RNF43: variants seen among roughly 807,000 people sequenced by gnomAD.
The protein encoded by RNF43 is ring finger protein 43, also known as E3 ubiquitin-protein ligase RNF43.
A neutral mutation model predicts 78.4 loss-of-function variants in RNF43; 37 were observed. The ratio of observed to expected loss-of-function variants is 0.47; its 90% CI spans 0.36 to 0.62. The LOEUF (loss-of-function observed/expected upper bound fraction) is 0.62, where lower values mean the gene tolerates loss of function less well. Among genes scored for constraint, RNF43 ranks in the 20% least tolerant of loss-of-function variants. RNF43 has a pLI of 0.00. For synonymous variants in RNF43, 347 were observed against 395.0 expected (o/e 0.88, Z 1.44); for missense variants, 774 against 1,007.9 (o/e 0.77, Z 3.14).
At chr17:58,405,754 GAAAGAA>G (rs1489316087) in intron 2 of RNF43, among the ~76,000 whole-genome samples, 1 of 148,836 alleles carries the variant, frequency 6.7e-6, no homozygotes, top group African/African-American at 2.5e-5. Context: ...AAGAAAGAAA[GAAAGAA>G]AGAAAAAGAG....
intron 2 of RNF43, among the ~76,000 whole-genome samples, chr17:58,387,181 A>C (rs560914921): frequency 6.6e-6 from 1 of 152,346 alleles, no homozygotes; most frequent in African/African-American, 2.4e-5. Context: ...CAATGTTAAC[A>C]GAGAAGCTGA....
At chr17:58,403,798 T>A (rs944853980) in intron 2 of RNF43, among the ~76,000 whole-genome samples, 7 of 152,196 alleles carry the variant, frequency 4.6e-5, no homozygotes, top group African/African-American at 1.7e-4. Flanking sequence ...GAAATCTTAT[T>A]TTTAGTATAA....
chr17:58,361,414 T>G (rs1157689647), intron 6 of RNF43, among the ~76,000 whole-genome samples: 1 of 152,216 alleles, frequency 6.6e-6, no homozygotes, highest in Admixed American at 6.5e-5. Flanking sequence ...ATCTGTTGGC[T>G]TTGCCTTCAA....
At chr17:58,411,563 T>A (rs1974024641) in intron 2 of RNF43, among the ~76,000 whole-genome samples, 1 of 152,066 alleles carries the variant, frequency 6.6e-6, no homozygotes, top group African/African-American at 2.4e-5. Flanking sequence ...CTGCTCCCAT[T>A]GTAGGTCTGA....
intron 2 of RNF43, among the ~76,000 whole-genome samples, chr17:58,412,822 G>T (rs1021833587): frequency 5.5e-5 from 8 of 144,656 alleles, no homozygotes; most frequent in Middle Eastern, 3.6e-3. Flanking sequence ...TAACAACATG[G>T]TTTTTTTTTT....
At chr17:58,389,556 A>G (rs1309067390) in intron 2 of RNF43, among the ~76,000 whole-genome samples, 5 of 152,240 alleles carry the variant, frequency 3.3e-5, no homozygotes, top group Admixed American at 3.3e-4. Context: ...TACTACATGT[A>G]GAATGAAAAC....
At chr17:58,385,842 C>T (rs796356049) in intron 2 of RNF43, among the ~76,000 whole-genome samples, 1 of 152,196 alleles carries the variant, frequency 6.6e-6, no homozygotes, top group African/African-American at 2.4e-5. Flanking sequence ...CATGGTGGCT[C>T]ATGCTTGTAA....
intron 2 of RNF43, among the ~76,000 whole-genome samples, chr17:58,385,278 A>G (rs1973408014): frequency 6.6e-6 from 1 of 151,466 alleles, no homozygotes; most frequent in Admixed American, 6.8e-5. Flanking sequence ...CAAATCTTCT[A>G]TACTTCAAAA....
At chr17:58,359,372 G>A (rs759559661) in intron 8 of RNF43, among the ~76,000 whole-genome samples, 2 of 149,154 alleles carry the variant, frequency 1.3e-5, no homozygotes, top group Non-Finnish European at 3.0e-5. Flanking sequence ...CAAGGCGGGC[G>A]GGTCACAAGG....
intron 2 of RNF43, 140 bp downstream of exon 2, chr17:58,415,186 C>T (rs146242556): frequency 2.6e-5 from 21 of 796,778 alleles, no homozygotes; most frequent in African/African-American, 1.2e-4. Context: ...TTTAGAATGC[C>T]AATAAGGCAG....
chr17:58,370,600 C>T (rs1973071678), intron 3 of RNF43, among the ~76,000 whole-genome samples: 1 of 152,164 alleles, frequency 6.6e-6, no homozygotes, highest in South Asian at 2.1e-4. Context: ...AGATGGAAAT[C>T]CCTTCAATTG....
At chr17:58,392,996 C>A (rs555231251) in intron 2 of RNF43, among the ~76,000 whole-genome samples, 1 of 152,324 alleles carries the variant, frequency 6.6e-6, no homozygotes, top group East Asian at 1.9e-4. Flanking sequence ...TGTCTTCTGC[C>A]TCTGACACCC....
At chr17:58,394,140 C>T (rs925227344) in intron 2 of RNF43, among the ~76,000 whole-genome samples, 3 of 152,146 alleles carry the variant, frequency 2.0e-5, no homozygotes, top group Non-Finnish European at 4.4e-5. Context: ...TGGGGATACC[C>T]TTCTCTCTTG....
intron 3 of RNF43, among the ~76,000 whole-genome samples, chr17:58,370,065 T>G (rs961822494): frequency 6.1e-5 from 6 of 98,102 alleles, no homozygotes; most frequent in East Asian, 8.7e-4. Context: ...TCTGAGTTTT[T>G]TTTTTTTTTT....
chr17:58,412,342 G>GTAAA (rs1974038481), intron 2 of RNF43, among the ~76,000 whole-genome samples: 1 of 152,152 alleles, frequency 6.6e-6, no homozygotes, highest in South Asian at 2.1e-4. Context: ...TTCTGAAATG[G>GTAAA]AAAAGAGAGG....
chr17:58,410,520 CT>C (rs1008874895), intron 2 of RNF43, among the ~76,000 whole-genome samples: 2 of 152,186 alleles, frequency 1.3e-5, no homozygotes, highest in Non-Finnish European at 2.9e-5. Flanking sequence ...CTACTCTGTA[CT>C]TCTTCTAAAG....
chr17:58,377,152 G>A (rs1008634923), intron 2 of RNF43, among the ~76,000 whole-genome samples: 4 of 152,096 alleles, frequency 2.6e-5, no homozygotes, highest in African/African-American at 9.7e-5. Flanking sequence ...TAATCTTTCT[G>A]AGCCTCATAT....
rs1246883216 is a variant in RNF43, at chr17:58,354,913, C to G, written c.*30G>C. On this transcript the variant is annotated 3_prime_UTR_variant, in exon 10 of 10. Transcript: ENST00000407977. ...GTAGGGCCCAAACACATCTGGAGCA[C>G]ACTCTTGGTTGGAGCTAGGCCTGAA... 6.2e-7 allele frequency: 1 copy of G among 1,610,894 alleles called. No individual in the cohort carries two copies. The highest frequency in any genetic ancestry group is 1.1e-5 in the South Asian group (1 of 90,966).
intron 9 of RNF43, among the ~76,000 whole-genome samples, chr17:58,355,277 T>G (rs1972664467): frequency 6.6e-6 from 1 of 152,236 alleles, no homozygotes. Flanking sequence ...TGCTACCACG[T>G]GCCAAATAGA....
Sources: gnomAD v4.1 joint callset for allele counts (sites outside exome capture counted in the v4.1 genomes callset) on GRCh38, gnomAD v4.1.1 for gene constraint, MANE v1.5 for transcripts, NCBI Gene and HGNC (gene_info 2026-07-23, HGNC 2026-07-21) for gene names.